BCAS1: variants seen among roughly 807,000 people sequenced by gnomAD.
BCAS1 encodes the protein breast carcinoma-amplified sequence 1.
A neutral mutation model predicts 65.4 loss-of-function variants in BCAS1; 46 were observed. That is an observed-to-expected ratio of 0.70 (90% CI 0.55 to 0.90). The LOEUF (loss-of-function observed/expected upper bound fraction) is 0.90. Among genes scored for constraint, BCAS1 ranks in the 40% least tolerant of loss-of-function variants. The pLI, the probability that BCAS1 is intolerant of heterozygous loss-of-function variation, is 0.00. For synonymous variants in BCAS1, 298 were observed against 293.5 expected (o/e 1.02, Z -0.16); for missense variants, 793 against 771.2 (o/e 1.03, Z -0.33).
intron 3 of BCAS1, among the ~76,000 whole-genome samples, chr20:54,053,714 G>A (rs1416963923): frequency 2.0e-5 from 3 of 152,210 alleles, no homozygotes; most frequent in Non-Finnish European, 4.4e-5. Context: ...AGAAGCTTTG[G>A]TCCTATCATT....
At chr20:54,015,081 G>A (rs2091405933) in intron 4 of BCAS1, among the ~76,000 whole-genome samples, 1 of 149,798 alleles carries the variant, frequency 6.7e-6, no homozygotes, top group Non-Finnish European at 1.5e-5. Context: ...TGCCCAGGCT[G>A]GAGTGCAATG....
intron 8 of BCAS1, among the ~76,000 whole-genome samples, chr20:53,976,993 G>C (rs1283937775): frequency 6.6e-6 from 1 of 152,222 alleles, no homozygotes; most frequent in African/African-American, 2.4e-5. Flanking sequence ...ATAAAGGAAA[G>C]AGGCATAATG....
chr20:54,013,180 C>T (rs554955736), intron 4 of BCAS1, among the ~76,000 whole-genome samples: 15 of 152,038 alleles, frequency 9.9e-5, no homozygotes, highest in African/African-American at 3.4e-4. Flanking sequence ...AAAGATGATA[C>T]CTAAAATCTA....
At chr20:54,003,226 C>CAAAAAAAAAAA (rs36065746) in intron 4 of BCAS1, among the ~76,000 whole-genome samples, 25 of 98,562 alleles carry the variant, frequency 2.5e-4, no homozygotes, top group East Asian at 8.7e-4. Context: ...GCCAAACAGA[C>CAAAAAAAAAAA]AAAAAAAAAA....
intron 1 of BCAS1, among the ~76,000 whole-genome samples, chr20:54,063,222 T>C (rs6127076): frequency 0.14 from 21,114 of 152,148 alleles, 1,938 homozygotes; most frequent in East Asian, 0.32. Flanking sequence ...CTCTGGAGTT[T>C]GGAATCCCTG....
At chr20:53,964,134 C>T (rs1771886856) in intron 10 of BCAS1, among the ~76,000 whole-genome samples, 1 of 147,544 alleles carries the variant, frequency 6.8e-6, no homozygotes, top group Non-Finnish European at 1.5e-5. Flanking sequence ...TACCACATGT[C>T]CATCCATTGA....
At chr20:54,044,694 C>T (rs1009751453) in intron 3 of BCAS1, among the ~76,000 whole-genome samples, 4 of 151,576 alleles carry the variant, frequency 2.6e-5, no homozygotes, top group African/African-American at 9.7e-5. Context: ...AAAAATTAGC[C>T]AGATGCGGTG....
chr20:54,044,820 G>A (rs1041001535), intron 3 of BCAS1, among the ~76,000 whole-genome samples: 3 of 145,704 alleles, frequency 2.1e-5, no homozygotes, highest in Non-Finnish European at 4.5e-5. Context: ...CTTGGGCAGC[G>A]GAAGGAGACT....
intron 3 of BCAS1, among the ~76,000 whole-genome samples, chr20:54,031,093 ACTTATAT>A (rs1461258458): frequency 2.0e-5 from 3 of 151,494 alleles, no homozygotes; most frequent in Non-Finnish European, 4.4e-5. Context: ...AAGAGCACCA[ACTTATAT>A]CTTTCAGTTT....
intron 3 of BCAS1, among the ~76,000 whole-genome samples, chr20:54,032,066 GC>G (rs1412370582): frequency 1.3e-5 from 2 of 151,154 alleles, no homozygotes; most frequent in East Asian, 3.9e-4. Context: ...AAGAAAAAAT[GC>G]TAAAGGCAAC....
At chr20:54,057,015 C>G (rs2092306506) in intron 3 of BCAS1, among the ~76,000 whole-genome samples, 1 of 152,176 alleles carries the variant, frequency 6.6e-6, no homozygotes, top group Non-Finnish European at 1.5e-5. Flanking sequence ...GCAAAGCTAG[C>G]AATCTGATTG....
At chr20:53,993,608 G>A (rs1247362496) in intron 6 of BCAS1, among the ~76,000 whole-genome samples, 1 of 152,160 alleles carries the variant, frequency 6.6e-6, no homozygotes. Flanking sequence ...AAGAGAATGA[G>A]TGCATCAGGT....
In BCAS1 at chr20:54,058,593, C is replaced by CTTTTTTTTTT. The variant is rs3043223; in HGVS notation, c.72+44_72+53dup. 4.3e-5 allele frequency: 53 copies of CTTTTTTTTTT among 1,224,752 alleles called. 2 individuals carry two copies. Among genetic ancestry groups the CTTTTTTTTTT allele is most frequent in the South Asian group, 1.5e-4 (10 of 64,794 alleles). The allele number at this position is 1,224,752 out of a possible 1,614,324, so 75.9% of individuals were successfully genotyped here. ...ACACACTTGTCAAATACAGGAAGTT[C>CTTTTTTTTTT]TTTTTTTTTTTTTTTTTTTTCTGCT... On this transcript the variant is annotated intron_variant, in intron 2 of 12. Transcript: ENST00000688948.
At chr20:53,986,111 GTGCAGCCC>G (rs1241963002) in intron 7 of BCAS1, among the ~76,000 whole-genome samples, 6 of 151,998 alleles carry the variant, frequency 3.9e-5, no homozygotes, top group African/African-American at 1.4e-4. Flanking sequence ...TCACTTTTAG[GTGCAGCCC>G]TACACTCCAC....
chr20:54,044,925 T>C lies in BCAS1; in HGVS notation c.142+13160A>G, dbSNP rs148857524. ...AACATTACGAGTTTAAAAATACTTA[T>C]GCCAGAGGAGTGCTGTGACTCGTGC... On this transcript the variant is annotated intron_variant, in intron 3 of 12. Transcript: ENST00000688948. 5.9e-5 allele frequency among the ~76,000 whole-genome samples: 9 copies of C among 152,044 alleles called. No homozygotes were observed. In the East Asian group the frequency reaches 1.5e-3, roughly 26 times the overall value.
chr20:54,041,475 T>C (rs997081211), intron 3 of BCAS1, among the ~76,000 whole-genome samples: 8 of 152,148 alleles, frequency 5.3e-5, no homozygotes, highest in Non-Finnish European at 1.2e-4. Context: ...GAAAAGATGT[T>C]TGGCCTCATA....
intron 3 of BCAS1, among the ~76,000 whole-genome samples, chr20:54,048,321 T>C (rs1330522126): frequency 6.6e-6 from 1 of 152,176 alleles, no homozygotes; most frequent in African/African-American, 2.4e-5. Flanking sequence ...GCCTGCCCAA[T>C]AGCCAATCGT....
chr20:54,032,442 T>A lies in BCAS1; in HGVS notation c.143-3470A>T, dbSNP rs1210803135. Among the ~76,000 whole-genome samples, 3 of 151,254 alleles carry A rather than the reference T, an allele frequency of 2.0e-5. No individual in the cohort carries two copies. In the East Asian group the frequency reaches 5.8e-4, roughly 29 times the overall value. ...AAGTCTGCAAAATAACCAGCCAACA[T>A]CATGATGACGGTATCAAATCGACAC... is the stretch of plus-strand genomic sequence containing the variant. On this transcript the variant is annotated intron_variant, in intron 3 of 12. Transcript: ENST00000688948.
intron 10 of BCAS1, among the ~76,000 whole-genome samples, chr20:53,961,359 T>G (rs950533829): frequency 3.3e-5 from 5 of 152,208 alleles, no homozygotes. Flanking sequence ...ACCAGTCTCA[T>G]GAAAACAAAT....
Sources: allele counts gnomAD v4.1 joint callset (sites outside exome capture counted in the v4.1 genomes callset), GRCh38; gene constraint gnomAD v4.1.1; transcripts MANE v1.5; gene names NCBI Gene and HGNC (gene_info 2026-07-23, HGNC 2026-07-21).